BRAF: variants seen among roughly 807,000 people sequenced by gnomAD.
BRAF encodes B-Raf proto-oncogene, serine/threonine kinase.
In BRAF, 16 loss-of-function variants were observed where a neutral mutation model predicts 104.6. The ratio of observed to expected loss-of-function variants is 0.15; its 90% CI spans 0.10 to 0.23. BRAF has a LOEUF of 0.23. Among genes scored for constraint, BRAF ranks in the 10% least tolerant of loss-of-function variants. The pLI is 1.00. For missense variants in BRAF, 541 were observed against 937.3 expected (o/e 0.58, Z 5.52); for synonymous variants, 310 against 341.6 (o/e 0.91, Z 1.02).
At chr7:140,917,897 G>A (rs911271752) in intron 1 of BRAF, among the ~76,000 whole-genome samples, 3 of 152,182 alleles carry the variant, frequency 2.0e-5, no homozygotes, top group African/African-American at 7.2e-5. Flanking sequence ...CTGGAACAGA[G>A]TCAAACTCAT....
intron 1 of BRAF, among the ~76,000 whole-genome samples, chr7:140,884,803 T>C (rs1408950734): frequency 6.6e-6 from 1 of 152,036 alleles, no homozygotes; most frequent in African/African-American, 2.4e-5. Context: ...TCTATGTAGT[T>C]TATCGCTATC....
intron 3 of BRAF, among the ~76,000 whole-genome samples, chr7:140,810,131 G>A (rs1804085771): frequency 6.6e-6 from 1 of 152,158 alleles, no homozygotes; most frequent in Non-Finnish European, 1.5e-5. Context: ...GAATATTTAT[G>A]CTAGAGGGGA....
chr7:140,904,759 C>A (rs1014843167), intron 1 of BRAF, among the ~76,000 whole-genome samples: 1 of 152,142 alleles, frequency 6.6e-6, no homozygotes, highest in African/African-American at 2.4e-5. Context: ...CAGGCATGCA[C>A]CACCACGCCC....
chr7:140,865,706 T>C (rs1295210479), intron 1 of BRAF, among the ~76,000 whole-genome samples: 1 of 152,182 alleles, frequency 6.6e-6, no homozygotes, highest in African/African-American at 2.4e-5. Flanking sequence ...CCCTTTTAAG[T>C]CTTTTAAGGA....
chr7:140,906,087 C>CA (rs61150735), intron 1 of BRAF, among the ~76,000 whole-genome samples: 2,046 of 43,976 alleles, frequency 0.047, 172 homozygotes, highest in East Asian at 0.2. Flanking sequence ...GACTCCGTCT[C>CA]AAAAAAAAAA....
chr7:140,820,001 T>A (rs1805305586), intron 3 of BRAF, among the ~76,000 whole-genome samples: 1 of 152,186 alleles, frequency 6.6e-6, no homozygotes, highest in Non-Finnish European at 1.5e-5. Flanking sequence ...CAAATAAAAT[T>A]TTTTTAAAGA....
chr7:140,798,099 G>A (rs1406596397), intron 7 of BRAF, among the ~76,000 whole-genome samples: 1 of 152,084 alleles, frequency 6.6e-6, no homozygotes, highest in Admixed American at 6.6e-5. Context: ...TTACAAAGTT[G>A]TACTGAAAAT....
intron 10 of BRAF, among the ~76,000 whole-genome samples, chr7:140,784,129 A>G (rs1801134060): frequency 6.6e-6 from 1 of 152,210 alleles, no homozygotes. Flanking sequence ...AATGACCTCA[A>G]GAAAATAGAT....
chr7:140,909,376 C>G lies in BRAF; in HGVS notation c.138+15190G>C, dbSNP rs1017961148. ...GGAGGCGAAGGTTTTGGTGAGCACG[C>G]CATTGTACTCCACCCTGGGCAATAA... On this transcript the variant is annotated intron_variant, in intron 1 of 19. Transcript: ENST00000644969. Among the ~76,000 whole-genome samples, 4 of 152,098 alleles carry G rather than the reference C, an allele frequency of 2.6e-5. No homozygotes were observed. In the East Asian group the frequency reaches 7.7e-4, roughly 29 times the overall value.
At chr7:140,746,853 A>G (rs1312130426) in intron 17 of BRAF, among the ~76,000 whole-genome samples, 1 of 148,908 alleles carries the variant, frequency 6.7e-6, no homozygotes, top group Non-Finnish European at 1.5e-5. Context: ...AAGAAAAAAG[A>G]AAAAAAAAAG....
Position 140,924,471 on chromosome 7 carries a change from G to T in BRAF, c.138+95C>A. ...AGCTGGCCCGAGAAGGTGGCTGAGG[G>T]CATCAAGCCCCCACCGCCGCCTCTT... is the stretch of plus-strand genomic sequence containing the variant. On this transcript the variant is annotated intron_variant, in intron 1 of 19. Coordinates refer to ENST00000644969, the MANE Select transcript of BRAF (RefSeq NM_001374258.1). The surrounding 1 kb of genome is among the most constrained non-coding windows in gnomAD (Gnocchi z 4.2). The T allele has an allele frequency of 6.6e-7, 1 of 1,505,576 alleles. No homozygotes were observed. Among genetic ancestry groups the T allele is most frequent in the East Asian group, 2.5e-5 (1 of 40,382 alleles). 93.3% of individuals were successfully genotyped at this position (1,505,576 alleles called of 1,614,324 possible).
At chr7:140,877,626 G>A (rs889807949) in intron 1 of BRAF, among the ~76,000 whole-genome samples, 1 of 151,826 alleles carries the variant, frequency 6.6e-6, no homozygotes, top group African/African-American at 2.4e-5. Flanking sequence ...CTGACAAAAA[G>A]GGAAGACACA....
At chr7:140,805,270 A>G (rs1289712927) in intron 5 of BRAF, among the ~76,000 whole-genome samples, 2 of 152,066 alleles carry the variant, frequency 1.3e-5, no homozygotes, top group African/African-American at 4.8e-5. Flanking sequence ...CCTATGTATC[A>G]CTTTCTAGGG....
intron 3 of BRAF, among the ~76,000 whole-genome samples, chr7:140,815,139 A>ATTTTT (rs535513876): frequency 7.2e-6 from 1 of 139,752 alleles, no homozygotes; most frequent in Admixed American, 7.2e-5. Context: ...CATCAATTAC[A>ATTTTT]TTTTTTTTTT....
chr7:140,874,336 G>T (rs763374986), intron 1 of BRAF, among the ~76,000 whole-genome samples: 1 of 151,330 alleles, frequency 6.6e-6, no homozygotes, highest in Non-Finnish European at 1.5e-5. Context: ...CGGGTAGCTG[G>T]GATTACAGGC....
At chr7:140,762,990 G>A (rs1798906641) in intron 14 of BRAF, among the ~76,000 whole-genome samples, 1 of 152,144 alleles carries the variant, frequency 6.6e-6, no homozygotes, top group African/African-American at 2.4e-5. Context: ...AAAATGAAAA[G>A]TCTCCCATGT....
chr7:140,713,820 T>C, the BRAF span, among the ~76,000 whole-genome samples: 1 of 152,180 alleles, frequency 6.6e-6, no homozygotes, highest in Non-Finnish European at 1.5e-5. Context: ...TAGTTTTCCT[T>C]CTAACAGACA....
At chr7:140,807,636 G>A (rs1306547538) in intron 5 of BRAF, among the ~76,000 whole-genome samples, 4 of 152,098 alleles carry the variant, frequency 2.6e-5, no homozygotes, top group Non-Finnish European at 4.4e-5. Flanking sequence ...AAGTTTGGAA[G>A]ACAGAACAAT....
chr7:140,825,436 A>G (rs1805936826), intron 3 of BRAF, among the ~76,000 whole-genome samples: 2 of 152,230 alleles, frequency 1.3e-5, no homozygotes, highest in Non-Finnish European at 2.9e-5. Context: ...ATAAACTAAT[A>G]CGTTCATTAT....
Sources: allele counts gnomAD v4.1 joint callset (sites outside exome capture counted in the v4.1 genomes callset), GRCh38; gene constraint gnomAD v4.1.1; non-coding constraint Gnocchi (gnomAD v3.1); transcripts MANE v1.5; gene names NCBI Gene and HGNC (gene_info 2026-07-23, HGNC 2026-07-21).